Variants in SGCZ observed in about 807,000 individuals in gnomAD.
SGCZ encodes zeta-sarcoglycan.
In SGCZ, 40 loss-of-function variants were observed where a neutral mutation model predicts 41.3. That is an observed-to-expected ratio of 0.97 (90% confidence interval 0.75 to 1.26). The LOEUF (loss-of-function observed/expected upper bound fraction) is 1.26. Among genes scored for constraint, SGCZ ranks in the 50% most tolerant of loss-of-function variants. The probability of loss-of-function intolerance (pLI) is 0.00; values close to 1 mark genes in which losing one functional copy is unlikely to be tolerated. For synonymous variants in SGCZ, 206 were observed against 137.5 expected, an observed-to-expected ratio of 1.50 and a Z score of -3.49; for missense variants, 552 against 369.8, an observed-to-expected ratio of 1.49 and a Z score of -4.04.
chr8:14,884,018 G>A (rs1044616111), intron 1 of SGCZ, among the ~76,000 whole-genome samples: 2 of 151,952 alleles, frequency 1.3e-5, no homozygotes, highest in African/African-American at 4.8e-5. Flanking sequence ...AATTGTAATG[G>A]AGCCAACCAT....
chr8:14,346,159 AT>A (rs1415184115), intron 2 of SGCZ, among the ~76,000 whole-genome samples: 3 of 152,100 alleles, frequency 2.0e-5, no homozygotes, highest in African/African-American at 7.2e-5. Context: ...ATGTATCACA[AT>A]AATACAATAC....
chr8:14,395,147 T>C (rs993662274), intron 2 of SGCZ, among the ~76,000 whole-genome samples: 1 of 152,204 alleles, frequency 6.6e-6, no homozygotes. Flanking sequence ...TTCTTAGCTT[T>C]TCTCTCATCA....
At chr8:14,168,876 A>G (rs1804289778) in intron 4 of SGCZ, among the ~76,000 whole-genome samples, 1 of 152,196 alleles carries the variant, frequency 6.6e-6, no homozygotes, top group Non-Finnish European at 1.5e-5. Flanking sequence ...CATTTAGCGG[A>G]CTTACTATAT....
chr8:14,835,931 T>C (rs1441048045), intron 1 of SGCZ, among the ~76,000 whole-genome samples: 1 of 152,234 alleles, frequency 6.6e-6, no homozygotes, highest in Admixed American at 6.5e-5. Flanking sequence ...AATTAATAGC[T>C]GAAATTAAAT....
At chr8:14,318,207 G>C (rs1383680836) in intron 3 of SGCZ, among the ~76,000 whole-genome samples, 1 of 151,746 alleles carries the variant, frequency 6.6e-6, no homozygotes, top group South Asian at 2.1e-4. Context: ...GGCGGGAAAG[G>C]GGGGAAGAGA....
intron 1 of SGCZ, among the ~76,000 whole-genome samples, chr8:14,980,269 C>T (rs7012038): frequency 6.6e-6 from 1 of 151,898 alleles, no homozygotes; most frequent in Non-Finnish European, 1.5e-5. Flanking sequence ...GATTTGATCA[C>T]GAAGAACAGA....
At chr8:14,814,723 C>T (rs1234073115) in intron 1 of SGCZ, among the ~76,000 whole-genome samples, 1 of 152,120 alleles carries the variant, frequency 6.6e-6, no homozygotes, top group Non-Finnish European at 1.5e-5. Flanking sequence ...GTTGACTTCT[C>T]TCATCACCAA....
At chr8:14,228,176 AG>A (rs1806438852) in intron 4 of SGCZ, among the ~76,000 whole-genome samples, 1 of 152,234 alleles carries the variant, frequency 6.6e-6, no homozygotes, top group African/African-American at 2.4e-5. Context: ...TTTCTTATCA[AG>A]GCAAACACAA....
intron 1 of SGCZ, among the ~76,000 whole-genome samples, chr8:14,923,829 T>C (rs1171834726): frequency 3.9e-5 from 6 of 152,192 alleles, no homozygotes; most frequent in African/African-American, 1.2e-4. Flanking sequence ...ACAACTAAAA[T>C]GAAATTACAG....
At chr8:14,670,999 G>T (rs1660974289) in intron 1 of SGCZ, among the ~76,000 whole-genome samples, 1 of 152,202 alleles carries the variant, frequency 6.6e-6, no homozygotes, top group African/African-American at 2.4e-5. Context: ...ATATACCCAT[G>T]TTTCTAGCTC....
chr8:15,008,285 T>C (rs1802679151), intron 1 of SGCZ, among the ~76,000 whole-genome samples: 1 of 152,036 alleles, frequency 6.6e-6, no homozygotes, highest in South Asian at 2.1e-4. Flanking sequence ...TTTTGCCAAA[T>C]GAGTCCATTA....
intron 1 of SGCZ, among the ~76,000 whole-genome samples, chr8:14,655,215 G>A (rs1179465073): frequency 6.6e-6 from 1 of 151,994 alleles, no homozygotes; most frequent in African/African-American, 2.4e-5. Context: ...CTGTTTGCCA[G>A]TAACTTCTTA....
chr8:14,868,750 T>C (rs1234365056), intron 1 of SGCZ, among the ~76,000 whole-genome samples: 2 of 152,032 alleles, frequency 1.3e-5, no homozygotes, highest in Admixed American at 6.6e-5. Flanking sequence ...AATTCTTCCG[T>C]GTTTCTACTT....
chr8:14,128,718 TACAC>T (rs144594296), intron 5 of SGCZ, among the ~76,000 whole-genome samples: 2,749 of 150,352 alleles, frequency 0.018, 32 homozygotes, highest in Middle Eastern at 0.072. Flanking sequence ...TATATACATA[TACAC>T]ACACACACAC....
In SGCZ at chr8:14,624,458, A is replaced by T. The variant is rs1287624560; in HGVS notation, c.40-69532T>A. Among the ~76,000 whole-genome samples the T allele has an allele frequency of 3.3e-5, 5 of 151,742 alleles. 1 individual carries two copies. Among genetic ancestry groups the T allele is most frequent in the Non-Finnish European group, 7.4e-5 (5 of 67,952 alleles). ...GATTATTAATAGGGTTCATTGCAGT[A>T]TATACCAAGAAGCGCAATAATTTTT... is the stretch of plus-strand genomic sequence containing the variant. On this transcript the variant is annotated intron_variant, in intron 1 of 7. Coordinates refer to ENST00000382080, the MANE Select transcript of SGCZ (RefSeq NM_139167.4).
At chr8:14,440,871 A>G (rs538615697) in intron 2 of SGCZ, among the ~76,000 whole-genome samples, 22 of 151,182 alleles carry the variant, frequency 1.5e-4, no homozygotes, top group East Asian at 9.7e-4. Context: ...ACACACACAC[A>G]CGCACACACA....
intron 1 of SGCZ, among the ~76,000 whole-genome samples, chr8:15,126,797 A>T (rs575256889): frequency 1.3e-5 from 2 of 152,250 alleles, no homozygotes; most frequent in South Asian, 2.1e-4. Context: ...CATTGGGCAC[A>T]TGGGGGAGAA....
rs757396423 is a variant in SGCZ at position 14,207,570 on chromosome 8, GT to G, written c.424+30021del. Among the ~76,000 whole-genome samples the G allele has an allele frequency of 4.7e-5, 7 of 150,002 alleles. No individual in the cohort carries two copies. The East Asian group carries it at 1.2e-3, about 25-fold the overall frequency. On this transcript the variant is annotated intron_variant, in intron 4 of 7. Coordinates refer to ENST00000382080, the MANE Select transcript of SGCZ (RefSeq NM_139167.4). ...AGCTTAAATATCTTTTTTGTAGTGTGTTTTTTTTCAGTTTACTATGTTAAGT... is the reference window on the plus strand; with the variant it reads ...AGCTTAAATATCTTTTTTGTAGTGTGTTTTTTTCAGTTTACTATGTTAAGT...
intron 1 of SGCZ, among the ~76,000 whole-genome samples, chr8:15,065,861 G>C (rs1204725728): frequency 2.6e-5 from 4 of 152,064 alleles, no homozygotes; most frequent in Non-Finnish European, 4.4e-5. Context: ...TTAATATGAA[G>C]TGCAGTAATA....
Sources: allele counts gnomAD v4.1 joint callset (sites outside exome capture counted in the v4.1 genomes callset), GRCh38; gene constraint gnomAD v4.1.1; transcripts MANE v1.5; gene names NCBI Gene and HGNC (gene_info 2026-07-23, HGNC 2026-07-21).